Variants in TMEM229B observed in about 807,000 individuals in gnomAD.
TMEM229B encodes the protein transmembrane protein 229B.
In TMEM229B, 6 loss-of-function variants were observed where a neutral mutation model predicts 13.7. The ratio of observed to expected loss-of-function variants is 0.44; its 90% confidence interval spans 0.24 to 0.86. The LOEUF is 0.86. TMEM229B is among the 40% of genes least tolerant of loss of function. The probability of loss-of-function intolerance (pLI) is 0.23; values close to 1 mark genes in which losing one functional copy is unlikely to be tolerated. For missense variants in TMEM229B, 170 were observed against 236.0 expected, an observed-to-expected ratio of 0.72 and a Z score of 1.83; for synonymous variants, 107 against 102.1, an observed-to-expected ratio of 1.05 and a Z score of -0.29.
intron 1 of TMEM229B, among the ~76,000 whole-genome samples, chr14:67,502,258 G>A (rs1380510449): frequency 2.6e-5 from 4 of 151,858 alleles, no homozygotes; most frequent in Non-Finnish European, 4.4e-5. Flanking sequence ...TTGAACCTGG[G>A]AGGTGGAGGT....
intron 1 of TMEM229B, among the ~76,000 whole-genome samples, chr14:67,505,509 T>C (rs7156657): frequency 1 from 152,124 of 152,222 alleles, 76,013 homozygotes; most frequent in Non-Finnish European, 1. Context: ...AGGTTCACTG[T>C]GCCCAGGGAT....
chr14:67,513,908 C>G (rs900889457), intron 1 of TMEM229B, among the ~76,000 whole-genome samples: 1 of 152,202 alleles, frequency 6.6e-6, no homozygotes, highest in African/African-American at 2.4e-5. Flanking sequence ...CACTGGGGAC[C>G]TGGAACCTGG....
chr14:67,515,346 CG>C (rs2033171568), exon 1 of TMEM229B: 3 of 161,546 alleles, frequency 1.9e-5, no homozygotes, highest in African/African-American at 7.2e-5. Context: ...TGTCGGCGTC[CG>C]CCGCGGCGGC....
chr14:67,499,844 TAA>T (rs61503134), intron 1 of TMEM229B, among the ~76,000 whole-genome samples: 94 of 150,434 alleles, frequency 6.2e-4, no homozygotes, highest in Non-Finnish European at 1.2e-3. Context: ...GACAAAGGGT[TAA>T]AAAAAAAAAG....
intron 2 of TMEM229B, among the ~76,000 whole-genome samples, chr14:67,475,009 G>A (rs921878177): frequency 5.4e-5 from 8 of 148,122 alleles, no homozygotes; most frequent in African/African-American, 2.0e-4. Flanking sequence ...TCCGCCTCCT[G>A]GGTTCAAGCG....
chr14:67,474,608 G>A (rs1185753741), intron 2 of TMEM229B, among the ~76,000 whole-genome samples: 1 of 152,180 alleles, frequency 6.6e-6, no homozygotes, highest in East Asian at 1.9e-4. Context: ...GTACAATTCA[G>A]TGGTCTTAAG....
chr14:67,480,703 G>A (rs1380581765), intron 2 of TMEM229B, among the ~76,000 whole-genome samples: 1 of 152,160 alleles, frequency 6.6e-6, no homozygotes, highest in East Asian at 1.9e-4. Flanking sequence ...CCGGGCTGAG[G>A]GAACAGGAAC....
At chr14:67,515,477 C>T, upstream of TMEM229B, 1 of 161,574 alleles carries the variant, frequency 6.2e-6, no homozygotes, top group South Asian at 1.6e-4. Context: ...ACTGCACATG[C>T]TCGCGTCTGA....
At chr14:67,526,734 C>T (rs1251403128) in intron 1 of TMEM229B, among the ~76,000 whole-genome samples, 1 of 152,100 alleles carries the variant, frequency 6.6e-6, no homozygotes, top group Non-Finnish European at 1.5e-5. Context: ...GCTCAGGGTC[C>T]TTGAAGAAAA....
chr14:67,490,856 A>G (rs1157242794), upstream of TMEM229B, among the ~76,000 whole-genome samples: 1 of 152,074 alleles, frequency 6.6e-6, no homozygotes, highest in East Asian at 1.9e-4. Flanking sequence ...TCTCACACTC[A>G]AAGCAGAACA....
intron 1 of TMEM229B, among the ~76,000 whole-genome samples, chr14:67,533,076 T>C (rs1023537819): frequency 5.9e-5 from 9 of 152,098 alleles, no homozygotes; most frequent in African/African-American, 2.2e-4. Flanking sequence ...TCATTTCCTG[T>C]GCCTCTCCGC....
upstream of TMEM229B, among the ~76,000 whole-genome samples, chr14:67,516,089 C>T (rs552653462): frequency 6.6e-6 from 1 of 152,134 alleles, no homozygotes; most frequent in East Asian, 1.9e-4. Flanking sequence ...CAATACCGAA[C>T]GTAGGAAATC....
intron 2 of TMEM229B, among the ~76,000 whole-genome samples, chr14:67,482,890 G>C (rs1328328624): frequency 6.6e-6 from 1 of 152,156 alleles, no homozygotes; most frequent in East Asian, 1.9e-4. Context: ...CACCTCCCAA[G>C]TCACAGTAAT....
At chr14:67,507,994 C>T (rs1283080882) in intron 1 of TMEM229B, among the ~76,000 whole-genome samples, 2 of 151,954 alleles carry the variant, frequency 1.3e-5, no homozygotes, top group Non-Finnish European at 2.9e-5. Flanking sequence ...CAAAATTAGC[C>T]GGACGTGGGG....
At chr14:67,487,758 T>C (rs765019812) in intron 1 of TMEM229B, among the ~76,000 whole-genome samples, 3 of 152,066 alleles carry the variant, frequency 2.0e-5, no homozygotes, top group Admixed American at 1.3e-4. Context: ...TACAAGCTAA[T>C]ACAAATCTTA....
intron 1 of TMEM229B, among the ~76,000 whole-genome samples, chr14:67,520,811 A>G (rs920517003): frequency 2.0e-5 from 3 of 152,176 alleles, no homozygotes; most frequent in Non-Finnish European, 4.4e-5. Flanking sequence ...TAAATTTCCA[A>G]CTCCTTTGGG....
At chr14:67,507,533 CG>C (rs1258241150) in intron 1 of TMEM229B, among the ~76,000 whole-genome samples, 3 of 151,916 alleles carry the variant, frequency 2.0e-5, no homozygotes, top group Non-Finnish European at 4.4e-5. Flanking sequence ...ATTGCAGCCT[CG>C]ACCTCCCAGG....
upstream of TMEM229B, chr14:67,515,444 C>T (rs1440230863): frequency 1.7e-5 from 3 of 181,010 alleles, no homozygotes; most frequent in South Asian, 1.3e-4. Context: ...GCGGCACTCA[C>T]CCATAGTACG....
rs756334773 is a variant in TMEM229B at position 67,473,525 on chromosome 14, C to A, written c.399G>T (p.Gln133His). The change falls in exon 3 of 3, where the codon CAG (glutamine) becomes CAT (histidine). Residue 133 changes from glutamine (Q) to histidine (H), a missense_variant. By Grantham distance (24) the Gln-to-His change is conservative. Coordinates refer to ENST00000554480, the MANE Select transcript of TMEM229B (RefSeq NM_001348543.2). This position sits in a 1 kb window ranked among gnomAD's most constrained non-coding sequence, Gnocchi z 6.5. Reference protein sequence around the residue: ...PWFCGALIMEQFIIRNTLRLR... With the variant: ...PWFCGALIMEHFIIRNTLRLR... ...GGCGGAGGGTGTTGCGGATGATGAA[C>A]TGCTCCATGATGAGGGCCCCGCAGA... 2 of 1,614,028 alleles carry A rather than the reference C, an allele frequency of 1.2e-6. No individual in the cohort carries two copies. The highest frequency in any genetic ancestry group is 1.7e-5 in the Admixed American group (1 of 60,002).
Sources: allele counts gnomAD v4.1 joint callset (sites outside exome capture counted in the v4.1 genomes callset), GRCh38; gene constraint gnomAD v4.1.1; non-coding constraint Gnocchi (gnomAD v3.1); transcripts MANE v1.5; gene names NCBI Gene and HGNC (gene_info 2026-07-23, HGNC 2026-07-21).